Variants in REV3L observed in about 807,000 individuals in gnomAD.
REV3L encodes the protein DNA polymerase zeta catalytic subunit.
REV3L carries 69 observed loss-of-function variants against 299.4 expected under a neutral mutation model. That is an observed-to-expected ratio of 0.23 (90% confidence interval 0.19 to 0.28). The LOEUF (loss-of-function observed/expected upper bound fraction) is 0.28. Among genes scored for constraint, REV3L ranks in the 10% least tolerant of loss-of-function variants. REV3L has a pLI of 1.00. For missense variants in REV3L, 3,128 were observed against 3,693.8 expected, an observed-to-expected ratio of 0.85 and a Z score of 3.97; for synonymous variants, 1,238 against 1,271.4, an observed-to-expected ratio of 0.97 and a Z score of 0.56.
At chr6:111,388,387 C>A (rs1234694008) in intron 7 of REV3L, among the ~76,000 whole-genome samples, 2 of 152,074 alleles carry the variant, frequency 1.3e-5, no homozygotes, top group African/African-American at 4.8e-5. Flanking sequence ...AATTTCCCCT[C>A]ATAAAATATA....
At chr6:111,459,366 GC>G (rs2128323996) in intron 1 of REV3L, among the ~76,000 whole-genome samples, 1 of 152,170 alleles carries the variant, frequency 6.6e-6, no homozygotes, top group East Asian at 1.9e-4. Context: ...CTCGACAACA[GC>G]CCTGTCGAAG....
At chr6:111,300,633 C>T (rs1238115466) in intron 31 of REV3L, among the ~76,000 whole-genome samples, 1 of 152,164 alleles carries the variant, frequency 6.6e-6, no homozygotes, top group Non-Finnish European at 1.5e-5. Flanking sequence ...GTTAGTTCCC[C>T]AAATTAATAC....
intron 13 of REV3L, 103 bp from the exon 14 acceptor site, chr6:111,368,131 G>A: frequency 1.0e-6 from 1 of 979,128 alleles, no homozygotes; most frequent in African/African-American, 1.6e-5. Flanking sequence ...TCTCAAAAAT[G>A]TCCATGTCTA....
chr6:111,437,777 C>T (rs545681750), intron 1 of REV3L, among the ~76,000 whole-genome samples: 2 of 152,146 alleles, frequency 1.3e-5, no homozygotes, highest in South Asian at 4.2e-4. Flanking sequence ...CTTATGGTTG[C>T]ACAACTCTGT....
At chr6:111,396,979 TCTC>T (rs1256410036) in intron 4 of REV3L, among the ~76,000 whole-genome samples, 1 of 152,142 alleles carries the variant, frequency 6.6e-6, no homozygotes, top group East Asian at 1.9e-4. Flanking sequence ...AATTGTAATG[TCTC>T]CTTTTTCATG....
intron 1 of REV3L, among the ~76,000 whole-genome samples, chr6:111,434,172 T>C (rs563598020): frequency 2.2e-4 from 33 of 152,136 alleles, no homozygotes; most frequent in Non-Finnish European, 3.8e-4. Flanking sequence ...TTCAATGTAA[T>C]ACTGGAAGTC....
In REV3L at chr6:111,303,165, C is replaced by CTTTCTTTTTTTTTT. The variant is rs4038141; in HGVS notation, c.9253-3010_9253-3009insAAAAAAAAAAGAAA. On this transcript the variant is annotated intron_variant, in intron 31 of 31. Coordinates refer to ENST00000368802, the MANE Select transcript of REV3L (RefSeq NM_001372078.1). The stretch of plus-strand genomic sequence containing the variant: ...AATGTACTGAGGCTTTCTTTTCTTT[C>CTTTCTTTTTTTTTT]TTTTTTTTTTTTTTTTTGAGATGAG... Among the ~76,000 whole-genome samples the CTTTCTTTTTTTTTT allele has an allele frequency of 1.7e-4, 16 of 92,332 alleles. 1 individual carries two copies. The highest frequency in any genetic ancestry group is 3.9e-4 in the South Asian group (1 of 2,588). 60.6% of individuals were successfully genotyped at this position (92,332 alleles called of 152,430 possible). A position where few individuals can be genotyped will look rare whatever the true frequency, so the allele number is the denominator to read the frequency against.
chr6:111,450,506 A>C (rs985127308), intron 1 of REV3L, among the ~76,000 whole-genome samples: 2 of 135,756 alleles, frequency 1.5e-5, no homozygotes, highest in Non-Finnish European at 3.3e-5. Flanking sequence ...AAAAAAAAAA[A>C]CCAAAAAACA....
chr6:111,360,328 C>T (rs1311724333), intron 16 of REV3L, among the ~76,000 whole-genome samples: 1 of 152,070 alleles, frequency 6.6e-6, no homozygotes, highest in Non-Finnish European at 1.5e-5. Context: ...AAAATGCAGA[C>T]ATACTTATTG....
rs781569488 is a variant in REV3L, at chr6:111,363,939, A to G, written c.6793T>C (p.Ser2265Pro). Residue 2265 changes from serine to proline, a missense_variant, in exon 16 of 32, where the codon TCT (serine) becomes CCT (proline). By Grantham distance (74) the Ser-to-Pro change is moderately conservative (BLOSUM62 -1). Transcript: ENST00000368802. ...AAVNTPQKETSQIDGPSLNNT... is the reference protein window; with the variant it reads ...AAVNTPQKETPQIDGPSLNNT... Reference sequence around the variant, plus strand: ...TTTAAAGATGGTCCATCAATCTGAGAAGTTTCTTTCTGTGGGGTATTTACT... The same window carrying G: ...TTTAAAGATGGTCCATCAATCTGAGGAGTTTCTTTCTGTGGGGTATTTACT... 6.2e-7 allele frequency: 1 copy of G among 1,613,410 alleles called. No homozygotes were observed. The highest frequency in any genetic ancestry group is 1.7e-5 in the Admixed American group (1 of 59,992).
chr6:111,434,105 A>C (rs1222185473), intron 1 of REV3L, among the ~76,000 whole-genome samples: 1 of 152,224 alleles, frequency 6.6e-6, no homozygotes, highest in Non-Finnish European at 1.5e-5. Context: ...GGAAATATTA[A>C]AAGCCTTTCC....
At chr6:111,354,559 T>C (rs1777903965) in intron 18 of REV3L, among the ~76,000 whole-genome samples, 1 of 152,144 alleles carries the variant, frequency 6.6e-6, no homozygotes, top group Admixed American at 6.6e-5. Context: ...GGATGTTTAG[T>C]CTGGAGGATG....
chr6:111,382,503 CG>C (rs1276725914), intron 9 of REV3L, among the ~76,000 whole-genome samples: 1 of 152,114 alleles, frequency 6.6e-6, no homozygotes, highest in East Asian at 1.9e-4. Flanking sequence ...GAGAGCGACA[CG>C]GTATAGAATT....
intron 18 of REV3L, among the ~76,000 whole-genome samples, chr6:111,355,587 G>A (rs1778004422): frequency 1.3e-5 from 2 of 151,960 alleles, no homozygotes; most frequent in Admixed American, 1.3e-4. Context: ...TTCATTTTAT[G>A]GACATTTAAG....
intron 26 of REV3L, among the ~76,000 whole-genome samples, chr6:111,321,772 A>C (rs1392955395): frequency 6.6e-6 from 1 of 152,200 alleles, no homozygotes; most frequent in African/African-American, 2.4e-5. Flanking sequence ...GCTCTGTTGG[A>C]CTGTAAAGAG....
At chr6:111,444,242 A>G (rs1047735385) in intron 1 of REV3L, among the ~76,000 whole-genome samples, 2 of 152,224 alleles carry the variant, frequency 1.3e-5, no homozygotes, top group Admixed American at 6.5e-5. Flanking sequence ...CAAGCTGGGA[A>G]AAAAGGTAGG....
At chr6:111,335,087 T>C (rs1582565550) in intron 22 of REV3L, among the ~76,000 whole-genome samples, 1 of 152,158 alleles carries the variant, frequency 6.6e-6, no homozygotes, top group Non-Finnish European at 1.5e-5. Context: ...ATAGTCCACT[T>C]ATATTGATTT....
intron 1 of REV3L, among the ~76,000 whole-genome samples, chr6:111,474,044 C>G (rs1398735305): frequency 6.6e-6 from 1 of 152,110 alleles, no homozygotes; most frequent in Non-Finnish European, 1.5e-5. Flanking sequence ...GGCATCTACA[C>G]AGTGCCTGGT....
chr6:111,430,668 C>T, intron 1 of REV3L: 2 of 1,519,636 alleles, frequency 1.3e-6, no homozygotes, highest in Non-Finnish European at 1.8e-6. Flanking sequence ...TCTGGAGATG[C>T]CAAAGCACAC....
Sources: allele counts gnomAD v4.1 joint callset (sites outside exome capture counted in the v4.1 genomes callset), GRCh38; gene constraint gnomAD v4.1.1; transcripts MANE v1.5; gene names NCBI Gene and HGNC (gene_info 2026-07-23, HGNC 2026-07-21).